Variants in SYNE1 observed in about 807,000 individuals in gnomAD.
The protein encoded by SYNE1 is nesprin-1.
Under a neutral mutation model 1,111.0 loss-of-function variants are expected in SYNE1, and 616 were observed. The ratio of observed to expected loss-of-function variants is 0.55; its 90% CI spans 0.52 to 0.59. The LOEUF (loss-of-function observed/expected upper bound fraction) is 0.59, where lower values mean the gene tolerates loss of function less well. Among genes scored for constraint, SYNE1 ranks in the 20% least tolerant of loss-of-function variants. The pLI is 0.00. For synonymous variants in SYNE1, 3,855 were observed against 3,825.8 expected, an observed-to-expected ratio of 1.01 and a Z score of -0.28; for missense variants, 10,006 against 10,417.0, an observed-to-expected ratio of 0.96 and a Z score of 1.72.
chr6:152,387,138 C>A lies in SYNE1; in HGVS notation c.8421G>T (p.Glu2807Asp), dbSNP rs369447040. The A allele has an allele frequency of 1.2e-6, 2 of 1,614,060 alleles. No individual in the cohort carries two copies. The highest frequency in any genetic ancestry group is 1.7e-6 in the Non-Finnish European group (2 of 1,180,034). ...CCTCTTGAGCTGTGTCCTTGAAAGA[C>A]TCATCCTCTGTCTTTTCGTAGAGCT... ...SRELYEKTED[E>D]SFKDTAQEEL... The change falls in exon 54 of 146, where the codon GAG becomes GAT. Residue 2807 changes from glutamate to aspartate, a missense_variant. Glu to Asp is a conservative substitution (Grantham distance 45). This residue lies in a region of SYNE1 where 4,955 missense variants were observed against 5,017.2 expected (regional missense o/e 0.99). Coordinates refer to ENST00000367255, the MANE Select transcript of SYNE1 (RefSeq NM_182961.4).
Position 152,449,557 on chromosome 6 carries a change from G to C in SYNE1, c.3480C>G (p.His1160Gln), listed in dbSNP as rs757238055. The stretch of plus-strand genomic sequence containing the variant: ...CTTCAACGGCACGTTTAACCTCTCC[G>C]TGGTTGGCAGTATCGATGGCCTCAC... ...IKGEAIDTAN[H>Q]GEVKRAVEEI... The change falls in exon 28 of 146, where the codon CAC (histidine) becomes CAG (glutamine). Residue 1160 changes from histidine (H) to glutamine (Q), a missense_variant. By Grantham distance (24) the His-to-Gln change is conservative. Transcript: ENST00000367255. The C allele has an allele frequency of 1.2e-6, 2 of 1,613,846 alleles. No individual in the cohort carries two copies. Among genetic ancestry groups the C allele is most frequent in the Non-Finnish European group, 1.7e-6 (2 of 1,179,926 alleles).
intron 91 of SYNE1, 37 bp from the exon 92 acceptor site, chr6:152,302,100 G>A (rs1156892972): frequency 5.6e-6 from 9 of 1,613,364 alleles, no homozygotes; most frequent in East Asian, 2.2e-5. Context: ...TGTCAGAGCA[G>A]CATCAAAAGG....
At chr6:152,252,857 T>C (rs1278670718) in intron 104 of SYNE1, among the ~76,000 whole-genome samples, 1 of 152,236 alleles carries the variant, frequency 6.6e-6, no homozygotes, top group Non-Finnish European at 1.5e-5. Context: ...TTCTCTTAGA[T>C]CCTTAAAACA....
intron 3 of SYNE1, among the ~76,000 whole-genome samples, chr6:152,584,203 G>A (rs1431008953): frequency 1.3e-5 from 2 of 152,064 alleles, no homozygotes; most frequent in Non-Finnish European, 2.9e-5. Context: ...GATGACACAT[G>A]TCATATACAC....
Position 152,362,330 on chromosome 6 carries a change from G to A in SYNE1, c.10146-7C>T, listed in dbSNP as rs2096946427. The A allele has an allele frequency of 1.2e-6, 2 of 1,614,064 alleles. No homozygotes were observed. Among genetic ancestry groups the A allele is most frequent in the African/African-American group, 1.3e-5 (1 of 74,932 alleles). On this transcript the variant is annotated splice_polypyrimidine_tract_variant and splice_region_variant and intron_variant, in intron 63 of 145. Coordinates refer to ENST00000367255, the MANE Select transcript of SYNE1 (RefSeq NM_182961.4). Reference sequence around the variant, plus strand: ...GAGAGCTCCTTCGAGTTGGCTGAAAGGGATTTGAAAGGACAATAAATCCAC... The same window carrying A: ...GAGAGCTCCTTCGAGTTGGCTGAAAAGGATTTGAAAGGACAATAAATCCAC...
chr6:152,565,403 G>T (rs1391193039), intron 3 of SYNE1, among the ~76,000 whole-genome samples: 3 of 152,126 alleles, frequency 2.0e-5, no homozygotes, highest in Non-Finnish European at 4.4e-5. Context: ...TTGTCCTCCA[G>T]TATGGCATAT....
chr6:152,237,320 T>C (rs1161865471), intron 108 of SYNE1, among the ~76,000 whole-genome samples: 1 of 150,630 alleles, frequency 6.6e-6, no homozygotes, highest in Non-Finnish European at 1.5e-5. Flanking sequence ...TTTTTTTTTT[T>C]TTTTTTTTAG....
At chr6:152,147,829 T>C in intron 137 of SYNE1, 1 of 560,368 alleles carries the variant, frequency 1.8e-6, no homozygotes. Flanking sequence ...GCAAAGCGCT[T>C]GTCACCTACT....
rs35413195 is a variant in SYNE1 at position 152,163,501 on chromosome 6, GA to G, written c.23790+661del. ...GCAACAGAGTGAGACTCTGTCTCAGGAAAAAAAAAAAAAAAAAGAAAGAATA... is the reference window on the plus strand; with the variant it reads ...GCAACAGAGTGAGACTCTGTCTCAGGAAAAAAAAAAAAAAAAGAAAGAATA... On this transcript the variant is annotated intron_variant, in intron 131 of 145. Coordinates refer to ENST00000367255, the MANE Select transcript of SYNE1 (RefSeq NM_182961.4). 1.0e-3 allele frequency among the ~76,000 whole-genome samples: 116 copies of G among 114,646 alleles called. 2 individuals are homozygous for G. The highest frequency in any genetic ancestry group is 1.3e-3 in the East Asian group (5 of 3,888). The allele number at this position is 114,646 out of a possible 152,430, so 75.2% of individuals were successfully genotyped here. A position where few individuals can be genotyped will look rare whatever the true frequency, so the allele number is the denominator to read the frequency against.
In SYNE1 at chr6:152,584,331, T is replaced by A. The variant is rs148044261; in HGVS notation, c.67+43934A>T. Among the ~76,000 whole-genome samples the A allele has an allele frequency of 5.3e-3, 800 of 152,296 alleles. 5 individuals are homozygous for A. The highest frequency in any genetic ancestry group is 5.5e-3 in the Non-Finnish European group (376 of 68,032). On this transcript the variant is annotated intron_variant, in intron 3 of 145. Coordinates refer to ENST00000367255, the MANE Select transcript of SYNE1 (RefSeq NM_182961.4). ...CTATACTTTAACTTTTTATACTTAA[T>A]TTAGTGTGATTTATAATTTATAATC...
chr6:152,325,380 G>A (rs1487425845), intron 80 of SYNE1, 78 bp from the exon 81 acceptor site: 1 of 1,407,182 alleles, frequency 7.1e-7, no homozygotes, highest in Non-Finnish European at 1.0e-6. Context: ...TATGGATCTT[G>A]GTAAAGCCCA....
At chr6:152,565,705 A>G (rs969118481) in intron 3 of SYNE1, among the ~76,000 whole-genome samples, 1 of 151,212 alleles carries the variant, frequency 6.6e-6, no homozygotes, top group Admixed American at 6.6e-5. Context: ...GGAAGGGCAT[A>G]TTTCTAAAAA....
intron 3 of SYNE1, among the ~76,000 whole-genome samples, chr6:152,581,274 G>A (rs890618171): frequency 3.3e-5 from 5 of 152,166 alleles, no homozygotes; most frequent in African/African-American, 1.2e-4. Flanking sequence ...GTGGGCCAGG[G>A]ACTGGAATGT....
intron 87 of SYNE1, among the ~76,000 whole-genome samples, chr6:152,314,701 A>C (rs1189509649): frequency 6.6e-6 from 1 of 152,084 alleles, no homozygotes; most frequent in Non-Finnish European, 1.5e-5. Context: ...TTGTATTCCC[A>C]GAATTTGGGG....
chr6:152,606,630 T>A (rs1448325705), intron 3 of SYNE1, among the ~76,000 whole-genome samples: 3 of 151,922 alleles, frequency 2.0e-5, no homozygotes, highest in African/African-American at 7.2e-5. Flanking sequence ...AGTGTCCTGG[T>A]TTTTCTGAGT....
intron 3 of SYNE1, among the ~76,000 whole-genome samples, chr6:152,541,422 G>T (rs1306496287): frequency 6.6e-6 from 1 of 151,950 alleles, no homozygotes; most frequent in Non-Finnish European, 1.5e-5. Context: ...CCTTGATTTG[G>T]CTCTCAGGTT....
intron 4 of SYNE1, among the ~76,000 whole-genome samples, chr6:152,539,634 C>T (rs563256772): frequency 1.3e-5 from 2 of 152,228 alleles, no homozygotes; most frequent in East Asian, 3.9e-4. Context: ...GGAACAAACA[C>T]ACACAAACAA....
rs375093509 is a variant in SYNE1, at chr6:152,330,137, C to T, written c.14548G>A (p.Ala4850Thr). The change falls in exon 78 of 146, where the codon GCT becomes ACT. Residue 4850 changes from alanine to threonine, a missense_variant. By Grantham distance (58) the Ala-to-Thr change is moderately conservative. Around this residue, in one of 7 missense-constraint regions of SYNE1, gnomAD observed 4,955 missense variants for 5,017.2 expected, o/e 0.99. Coordinates refer to ENST00000367255, the MANE Select transcript of SYNE1 (RefSeq NM_182961.4). ...ATCTGATGCCTGGCTTTCTCATAAG[C>T]CAAGGGGTCAAGGTGTGGGGCAAGA... is the stretch of plus-strand genomic sequence containing the variant. Reference protein sequence around the residue: ...EDLAPHLDPLAYEKARHQIQS... With the variant: ...EDLAPHLDPLTYEKARHQIQS... The T allele has an allele frequency of 1.9e-6, 3 of 1,614,032 alleles. No individual in the cohort carries two copies. The highest frequency in any genetic ancestry group is 2.2e-5 in the East Asian group (1 of 44,886).
intron 70 of SYNE1, among the ~76,000 whole-genome samples, chr6:152,351,435 A>C (rs2096738961): frequency 6.6e-6 from 1 of 152,206 alleles, no homozygotes; most frequent in Non-Finnish European, 1.5e-5. Context: ...AATTTATAAC[A>C]CAAATTATTC....
Sources: allele counts gnomAD v4.1 joint callset (sites outside exome capture counted in the v4.1 genomes callset), GRCh38; gene constraint gnomAD v4.1.1; regional missense constraint gnomAD v4.1.1; transcripts MANE v1.5; gene names NCBI Gene and HGNC (gene_info 2026-07-23, HGNC 2026-07-21).